HCRTR2: variants seen among roughly 807,000 people sequenced by gnomAD.
The protein encoded by HCRTR2 is orexin receptor type 2.
In HCRTR2, 22 loss-of-function variants were observed where a neutral mutation model predicts 49.0. That is an observed-to-expected ratio of 0.45 (90% confidence interval 0.32 to 0.64). The LOEUF (loss-of-function observed/expected upper bound fraction) is 0.64, where lower values mean the gene tolerates loss of function less well. HCRTR2 is among the 30% of genes least tolerant of loss of function. The pLI is 0.04. For missense variants in HCRTR2, 491 were observed against 559.4 expected (o/e 0.88, Z 1.23); for synonymous variants, 236 against 205.3 (o/e 1.15, Z -1.28).
chr6:55,204,079 T>G (rs1487699198), intron 1 of HCRTR2, among the ~76,000 whole-genome samples: 1 of 152,168 alleles, frequency 6.6e-6, no homozygotes, highest in Non-Finnish European at 1.5e-5. Flanking sequence ...CATTCCCAAC[T>G]TCTGTGACTT....
intron 1 of HCRTR2, among the ~76,000 whole-genome samples, chr6:55,181,005 A>C (rs1765124427): frequency 6.8e-6 from 1 of 146,624 alleles, no homozygotes; most frequent in South Asian, 2.2e-4. Flanking sequence ...GATGGGTTTC[A>C]CCATCTTGGC....
At chr6:55,181,626 G>T (rs1765135822) in intron 1 of HCRTR2, among the ~76,000 whole-genome samples, 1 of 152,130 alleles carries the variant, frequency 6.6e-6, no homozygotes, top group East Asian at 1.9e-4. Context: ...TATGAGGTAG[G>T]TCTTTTTTAA....
At chr6:55,243,291 A>C (rs1766369623) in intron 1 of HCRTR2, among the ~76,000 whole-genome samples, 1 of 152,144 alleles carries the variant, frequency 6.6e-6, no homozygotes, top group South Asian at 2.1e-4. Context: ...TGGTTAATGA[A>C]GGCAGGCTTT....
intron 1 of HCRTR2, among the ~76,000 whole-genome samples, chr6:55,150,313 T>TTTC (rs147157409): frequency 0.068 from 9,852 of 143,890 alleles, 390 homozygotes; most frequent in African/African-American, 0.1. Flanking sequence ...CTCCTTGTTC[T>TTTC]TTCTTCTTAT....
At chr6:55,180,445 A>G (rs1044537394) in intron 1 of HCRTR2, among the ~76,000 whole-genome samples, 2 of 152,252 alleles carry the variant, frequency 1.3e-5, no homozygotes, top group Non-Finnish European at 2.9e-5. Flanking sequence ...TTTTTCTGAT[A>G]GACTACAGTT....
At chr6:55,168,833 G>T (rs1287068010) in intron 1 of HCRTR2, among the ~76,000 whole-genome samples, 1 of 152,004 alleles carries the variant, frequency 6.6e-6, no homozygotes, top group Non-Finnish European at 1.5e-5. Context: ...GATTTGTGAA[G>T]ATCAATTGAG....
chr6:55,118,555 A>G (rs982829577), intron 1 of HCRTR2, among the ~76,000 whole-genome samples: 1 of 151,886 alleles, frequency 6.6e-6, no homozygotes, highest in African/African-American at 2.4e-5. Flanking sequence ...CAACCGTGCC[A>G]GCATCTGTTA....
chr6:55,254,748 T>C (rs1019679168), intron 2 of HCRTR2, among the ~76,000 whole-genome samples: 4 of 151,634 alleles, frequency 2.6e-5, no homozygotes, highest in African/African-American at 9.7e-5. Flanking sequence ...TTTTCCAGTT[T>C]GGACTAAACA....
At chr6:55,281,081 T>C (rs746503650) in intron 6 of HCRTR2, among the ~76,000 whole-genome samples, 6 of 152,230 alleles carry the variant, frequency 3.9e-5, no homozygotes, top group Non-Finnish European at 7.3e-5. Context: ...TTTAGAATTA[T>C]GTTTTAATTA....
At chr6:55,168,222 T>C (rs1279755092) in intron 1 of HCRTR2, among the ~76,000 whole-genome samples, 19 of 152,188 alleles carry the variant, frequency 1.2e-4, no homozygotes, top group Non-Finnish European at 1.5e-5. Context: ...ATTGATTCTC[T>C]TTGGGGGAGA....
intron 1 of HCRTR2, among the ~76,000 whole-genome samples, chr6:55,244,889 A>G (rs9475216): frequency 0.041 from 6,278 of 151,938 alleles, 446 homozygotes; most frequent in African/African-American, 0.14. Flanking sequence ...GGCTAATCCA[A>G]TTTTCCCAGC....
rs1471956545 is a variant in HCRTR2 at position 55,280,364 on chromosome 6, T to G, written c.1025T>G (p.Val342Gly). 2 of 1,612,460 alleles carry G rather than the reference T, an allele frequency of 1.2e-6. No individual in the cohort carries two copies. Among genetic ancestry groups the G allele is most frequent in the Non-Finnish European group, 1.7e-6 (2 of 1,178,516 alleles). ...MFAHTEDRET[V>G]YAWFTFSHWL... is the part of the protein sequence containing the mutation. ...GCCCATACTGAAGACAGAGAGACTGTGTATGCCTGGTTTACCTTTTCACAC... is the reference window on the plus strand; with the variant it reads ...GCCCATACTGAAGACAGAGAGACTGGGTATGCCTGGTTTACCTTTTCACAC... The change falls in exon 6 of 7, where the codon GTG (valine) becomes GGG (glycine). Residue 342 changes from valine (V) to glycine (G), a missense_variant. By Grantham distance (109) the Val-to-Gly change is moderately radical. Transcript: ENST00000370862.
intron 1 of HCRTR2, among the ~76,000 whole-genome samples, chr6:55,184,290 C>T (rs1162577542): frequency 6.6e-6 from 1 of 152,150 alleles, no homozygotes; most frequent in Non-Finnish European, 1.5e-5. Context: ...ATGAATCTTG[C>T]ATGCCATAGG....
intron 1 of HCRTR2, among the ~76,000 whole-genome samples, chr6:55,161,404 T>C (rs551600605): frequency 6.6e-6 from 1 of 151,752 alleles, no homozygotes; most frequent in South Asian, 2.1e-4. Context: ...ATCAACACCC[T>C]AACATCACAA....
chr6:55,152,558 T>TA (rs1182573095), intron 1 of HCRTR2, among the ~76,000 whole-genome samples: 2 of 152,094 alleles, frequency 1.3e-5, no homozygotes, highest in Admixed American at 6.6e-5. Context: ...AAGTAGCTTA[T>TA]AAAAAACAGA....
intron 1 of HCRTR2, among the ~76,000 whole-genome samples, chr6:55,116,518 GGGA>G (rs149597612): frequency 0.037 from 5,629 of 151,072 alleles, 332 homozygotes; most frequent in African/African-American, 0.13. Flanking sequence ...AAAGGAAAGA[GGGA>G]AGAAGGGAGA....
chr6:55,196,297 T>TCCCATCC lies in HCRTR2; in HGVS notation c.223+21492_223+21498dup, dbSNP rs61439512. Among the ~76,000 whole-genome samples, 796 of 152,180 alleles carry TCCCATCC rather than the reference T, an allele frequency of 5.2e-3. 4 individuals are homozygous for TCCCATCC. Among genetic ancestry groups the TCCCATCC allele is most frequent in the African/African-American group, 0.018 (734 of 41,522 alleles). On this transcript the variant is annotated intron_variant, in intron 1 of 6. Coordinates refer to ENST00000370862, the MANE Select transcript of HCRTR2 (RefSeq NM_001384272.1). ...CCAGAGGCAAAAATGCCTGACCTTC[T>TCCCATCC]CCCATCCCCCAACCACAGCAGCAAA...
chr6:55,261,724 C>T (rs1766760161), intron 3 of HCRTR2, among the ~76,000 whole-genome samples: 1 of 152,040 alleles, frequency 6.6e-6, no homozygotes, highest in Admixed American at 6.6e-5. Flanking sequence ...GTGGAGATTC[C>T]TTAAAGAACT....
At chr6:55,268,281 T>C (rs1041226431) in intron 4 of HCRTR2, among the ~76,000 whole-genome samples, 1 of 151,806 alleles carries the variant, frequency 6.6e-6, no homozygotes, top group Admixed American at 6.6e-5. Context: ...AGTGAGGAAA[T>C]AGAGGAAGAC....
Sources: allele counts gnomAD v4.1 joint callset (sites outside exome capture counted in the v4.1 genomes callset), GRCh38; gene constraint gnomAD v4.1.1; transcripts MANE v1.5; gene names NCBI Gene and HGNC (gene_info 2026-07-23, HGNC 2026-07-21).